Variants in ARHGAP23 observed in about 807,000 individuals in gnomAD.
ARHGAP23 encodes Rho GTPase activating protein 23.
ARHGAP23 carries 34 observed loss-of-function variants against 136.3 expected under a neutral mutation model. The ratio of observed to expected loss-of-function variants is 0.25; its 90% CI spans 0.19 to 0.33. The LOEUF is 0.33. Ranked by LOEUF, ARHGAP23 falls within the 10% of genes least tolerant of loss-of-function variation. The pLI is 1.00. For synonymous variants in ARHGAP23, 832 were observed against 920.5 expected, an observed-to-expected ratio of 0.90 and a Z score of 1.74; for missense variants, 1,808 against 2,139.0, an observed-to-expected ratio of 0.85 and a Z score of 3.05.
At position 38,477,846 on chromosome 17, in the gene ARHGAP23, A is replaced by G; in HGVS notation, c.2386A>G (p.Met796Val). Reference sequence around the variant, plus strand: ...CTTTCAGGCTGAGGACCGGGATGACATGCTGGGCTGGATCAGAGCGATCCG... The same window carrying G: ...CTTTCAGGCTGAGGACCGGGATGACGTGCTGGGCTGGATCAGAGCGATCCG... The part of the protein sequence containing the change: ...YLFQAEDRDD[M>V]LGWIRAIREN... The change falls in exon 12 of 24, where the codon ATG becomes GTG. Residue 796 changes from methionine (M) to valine (V), a missense_variant. Transcript: ENST00000622683. The surrounding 1 kb of genome is among the most constrained non-coding windows in gnomAD (Gnocchi z 6.6). 6.5e-7 allele frequency: 1 copy of G among 1,549,250 alleles called. No individual in the cohort carries two copies. Among genetic ancestry groups the G allele is most frequent in the Non-Finnish European group, 8.7e-7 (1 of 1,146,532 alleles).
chr17:38,432,373 C>T (rs891306118), intron 1 of ARHGAP23, among the ~76,000 whole-genome samples: 1 of 152,110 alleles, frequency 6.6e-6, no homozygotes, highest in Non-Finnish European at 1.5e-5. Flanking sequence ...CCAATACCTA[C>T]AGAAAAATTT....
intron 14 of ARHGAP23, among the ~76,000 whole-genome samples, chr17:38,481,215 C>T (rs1425200448): frequency 6.0e-5 from 9 of 150,140 alleles, no homozygotes; most frequent in African/African-American, 2.2e-4. Context: ...GGTGTGATGT[C>T]GGCTCACTGC....
In ARHGAP23 at chr17:38,511,682, C is replaced by G. The variant is rs1395738185; in HGVS notation, c.*710C>G. The G allele has an allele frequency of 6.6e-6, 1 of 152,200 alleles. No homozygotes were observed. The highest frequency in any genetic ancestry group is 1.5e-5 in the Non-Finnish European group (1 of 68,076). The allele number at this position is 152,200 out of a possible 1,614,324, so 9.4% of individuals were successfully genotyped here. A position where few individuals can be genotyped will look rare whatever the true frequency, so the allele number is the denominator to read the frequency against. On this transcript the variant is annotated 3_prime_UTR_variant, in exon 24 of 24. Coordinates refer to ENST00000622683, the MANE Select transcript of ARHGAP23 (RefSeq NM_001199417.2). ...AGGGTTACTCCCCAACATCCTTTTGCCTGAGTCACCCTCTAAGCGCTTTAA... is the reference window on the plus strand; with the variant it reads ...AGGGTTACTCCCCAACATCCTTTTGGCTGAGTCACCCTCTAAGCGCTTTAA...
chr17:38,437,803 G>GT (rs10689455), intron 1 of ARHGAP23, among the ~76,000 whole-genome samples: 118 of 151,494 alleles, frequency 7.8e-4, no homozygotes, highest in Non-Finnish European at 1.3e-4. Flanking sequence ...GAAGGGGGGG[G>GT]AGGGCAGATG....
At chr17:38,457,724 G>A in intron 1 of ARHGAP23, 1 of 325,260 alleles carries the variant, frequency 3.1e-6, no homozygotes, top group Non-Finnish European at 5.7e-6. Flanking sequence ...TTGTGCATGA[G>A]CTAAGACAAC....
At chr17:38,509,753 CG>C (rs2040712364) in intron 23 of ARHGAP23, among the ~76,000 whole-genome samples, 190 bp from the exon 24 acceptor site, 1 of 152,124 alleles carries the variant, frequency 6.6e-6, no homozygotes, top group African/African-American at 2.4e-5. Flanking sequence ...TTTGGGCCAG[CG>C]GGGGTAGTCT....
chr17:38,432,438 G>A (rs527527554), intron 1 of ARHGAP23, among the ~76,000 whole-genome samples: 1 of 152,294 alleles, frequency 6.6e-6, no homozygotes, highest in South Asian at 2.1e-4. Flanking sequence ...CCAGCACTTT[G>A]GGAGGCCAAG....
At chr17:38,462,577 T>A (rs1047638422) in intron 3 of ARHGAP23, among the ~76,000 whole-genome samples, 2 of 152,118 alleles carry the variant, frequency 1.3e-5, no homozygotes, top group Admixed American at 1.3e-4. Flanking sequence ...TTTAGTGTAG[T>A]TTTTAGCACA....
intron 6 of ARHGAP23, among the ~76,000 whole-genome samples, chr17:38,465,739 C>T (rs997803528): frequency 2.0e-5 from 3 of 152,004 alleles, no homozygotes; most frequent in African/African-American, 7.2e-5. Flanking sequence ...CAGACACACC[C>T]CTAGCCGGCT....
intron 22 of ARHGAP23, chr17:38,500,351 A>G: frequency 5.4e-6 from 3 of 554,568 alleles, no homozygotes; most frequent in East Asian, 3.0e-5. Flanking sequence ...ATGAGGGGCC[A>G]GTGGCTGGCA....
At chr17:38,431,112 C>G (rs2038676748) in intron 1 of ARHGAP23, among the ~76,000 whole-genome samples, 1 of 152,194 alleles carries the variant, frequency 6.6e-6, no homozygotes, top group South Asian at 2.1e-4. Context: ...CTCACCCTCA[C>G]TATCTGGCTT....
rs56830471 is a variant in ARHGAP23, at chr17:38,507,276, AAAT to A, written c.3448-2640_3448-2638del. Among the ~76,000 whole-genome samples, 528 of 136,660 alleles carry A rather than the reference AAAT, an allele frequency of 3.9e-3. 3 individuals are homozygous for A. The highest frequency in any genetic ancestry group is 0.012 in the African/African-American group (436 of 36,520). 89.7% of individuals were successfully genotyped at this position (136,660 alleles called of 152,430 possible). ...GGTGACAGAGGGAGACTCCGTCTCA[AAAT>A]AATAATAATAATAATAATAATAATA... On this transcript the variant is annotated intron_variant, in intron 23 of 23. Transcript: ENST00000622683.
At chr17:38,426,697 C>T (rs1358771455), upstream of ARHGAP23, among the ~76,000 whole-genome samples, 2 of 152,032 alleles carry the variant, frequency 1.3e-5, no homozygotes, top group Admixed American at 6.6e-5. Context: ...TTTAACTGCC[C>T]CTCCATTATT....
intron 1 of ARHGAP23, among the ~76,000 whole-genome samples, chr17:38,419,906 C>T (rs1376174188): frequency 6.6e-6 from 1 of 152,144 alleles, no homozygotes; most frequent in South Asian, 2.1e-4. Flanking sequence ...TCTTCCAGCC[C>T]GGCTCCCCTC....
At chr17:38,508,929 A>C (rs2040692936) in intron 23 of ARHGAP23, among the ~76,000 whole-genome samples, 1 of 151,368 alleles carries the variant, frequency 6.6e-6, no homozygotes, top group Non-Finnish European at 1.5e-5. Context: ...GGAGGCCTGG[A>C]TAGCAGCGCT....
In ARHGAP23 at chr17:38,428,555, G is replaced by T. The variant is rs1199815266; in HGVS notation, c.63+7G>T. 2.8e-6 allele frequency: 4 copies of T among 1,432,102 alleles called. No homozygotes were observed. Among genetic ancestry groups the T allele is most frequent in the Non-Finnish European group, 3.7e-6 (4 of 1,094,176 alleles). The allele number at this position is 1,432,102 out of a possible 1,614,324, so 88.7% of individuals were successfully genotyped here. On this transcript the variant is annotated splice_region_variant and intron_variant, in intron 1 of 23. Coordinates refer to ENST00000622683, the MANE Select transcript of ARHGAP23 (RefSeq NM_001199417.2). The stretch of plus-strand genomic sequence containing the variant: ...GGAGCCCCGGCCCCCACAGGTGAGG[G>T]TGCTGGGCCAGGGAAGTGGGCGGGG...
chr17:38,489,178 C>T (rs1379305068), intron 17 of ARHGAP23, among the ~76,000 whole-genome samples: 1 of 152,200 alleles, frequency 6.6e-6, no homozygotes, highest in Non-Finnish European at 1.5e-5. Flanking sequence ...CTGTGCCTGG[C>T]CGAAAACAAT....
At chr17:38,471,036 T>C (rs2039742823) in intron 10 of ARHGAP23, among the ~76,000 whole-genome samples, 1 of 151,154 alleles carries the variant, frequency 6.6e-6, no homozygotes, top group Non-Finnish European at 1.5e-5. Flanking sequence ...CACTGCAACC[T>C]CCACCTCCTG....
rs566555141 is a variant in ARHGAP23, at chr17:38,462,403, G to A, written c.254-443G>A. Reference sequence around the variant, plus strand: ...TGAGTAGCTGGGATTACAGGCATGCGTGCCACCACACACAGCTAATTTTTG... The same window carrying A: ...TGAGTAGCTGGGATTACAGGCATGCATGCCACCACACACAGCTAATTTTTG... On this transcript the variant is annotated intron_variant, in intron 3 of 23. Coordinates refer to ENST00000622683, the MANE Select transcript of ARHGAP23 (RefSeq NM_001199417.2). 4.0e-5 allele frequency among the ~76,000 whole-genome samples: 6 copies of A among 151,518 alleles called. No homozygotes were observed. The East Asian group carries it at 5.8e-4, about 15-fold the overall frequency.
Sources: gnomAD v4.1 joint callset for allele counts (sites outside exome capture counted in the v4.1 genomes callset) on GRCh38, gnomAD v4.1.1 for gene constraint, Gnocchi (gnomAD v3.1) non-coding constraint, MANE v1.5 for transcripts, NCBI Gene and HGNC (gene_info 2026-07-23, HGNC 2026-07-21) for gene names.